HIPK2: variants seen among roughly 807,000 people sequenced by gnomAD.
HIPK2 encodes the protein homeodomain-interacting protein kinase 2.
Under a neutral mutation model 113.7 loss-of-function variants are expected in HIPK2, and 27 were observed. The ratio of observed to expected loss-of-function variants is 0.24; its 90% CI spans 0.17 to 0.33. The LOEUF is 0.33. Among genes scored for constraint, HIPK2 ranks in the 10% least tolerant of loss-of-function variants. The pLI is 1.00. For missense variants in HIPK2, 1,257 were observed against 1,588.0 expected, an observed-to-expected ratio of 0.79 and a Z score of 3.54; for synonymous variants, 631 against 642.2, an observed-to-expected ratio of 0.98 and a Z score of 0.26.
At chr7:139,644,355 G>T (rs916422985) in intron 2 of HIPK2, among the ~76,000 whole-genome samples, 2 of 152,174 alleles carry the variant, frequency 1.3e-5, no homozygotes, top group African/African-American at 4.8e-5. Context: ...CCTCAAAGGG[G>T]CTCTGAAGTC....
chr7:139,761,264 GGTTC>G (rs1796459425), intron 1 of HIPK2, among the ~76,000 whole-genome samples: 1 of 152,202 alleles, frequency 6.6e-6, no homozygotes, highest in Non-Finnish European at 1.5e-5. Flanking sequence ...AGGAAGGTAT[GGTTC>G]AGGCAAGAAT....
intron 2 of HIPK2, among the ~76,000 whole-genome samples, chr7:139,707,730 A>C (rs1333854566): frequency 6.6e-6 from 1 of 152,204 alleles, no homozygotes; most frequent in East Asian, 1.9e-4. Context: ...GGAATTCAAA[A>C]AATTACCTGT....
chr7:139,622,367 A>G (rs1433782785), intron 6 of HIPK2, among the ~76,000 whole-genome samples: 1 of 152,216 alleles, frequency 6.6e-6, no homozygotes, highest in Non-Finnish European at 1.5e-5. Flanking sequence ...GCTCCTACTA[A>G]GTACCAAGGT....
chr7:139,673,615 T>C lies in HIPK2; in HGVS notation c.1104-41890A>G, dbSNP rs577426482. On this transcript the variant is annotated intron_variant, in intron 2 of 14. Transcript: ENST00000406875. ...CTGGGCTGACACCAGGTGCTTACCA[T>C]TATCATGTAAGTTCTCTAACTGTTT... Among the ~76,000 whole-genome samples, 3 of 152,242 alleles carry C rather than the reference T, an allele frequency of 2.0e-5. No homozygotes were observed. The South Asian group carries it at 6.2e-4, about 32-fold the overall frequency.
chr7:139,664,928 TC>T (rs1286391274), intron 2 of HIPK2, among the ~76,000 whole-genome samples: 1 of 152,184 alleles, frequency 6.6e-6, no homozygotes, highest in African/African-American at 2.4e-5. Flanking sequence ...GCGCTCAGAC[TC>T]CTTCCTCTGA....
rs900697694 is a variant in HIPK2, at chr7:139,716,454, G to C, written c.581C>G (p.Ser194Cys). The C allele has an allele frequency of 2.1e-5, 34 of 1,613,846 alleles. No individual in the cohort carries two copies. In the Admixed American group the frequency reaches 4.8e-4, roughly 23 times the overall value. Reference protein sequence around the residue: ...YQLVQHEVLCSMTNTYEVLEF... With the variant: ...YQLVQHEVLCCMTNTYEVLEF... ...TAAGACCTCGTAGGTGTTGGTCATG[G>C]AGCACAGCACCTCATGCTGCACCAG... is the stretch of plus-strand genomic sequence containing the variant. Residue 194 changes from serine to cysteine, a missense_variant, in exon 2 of 15, where the codon TCC (serine) becomes TGC (cysteine). Ser to Cys is a moderately radical substitution (Grantham distance 112). This residue lies in a region of HIPK2 where 78 missense variants were observed against 145.7 expected (regional missense o/e 0.54). Transcript: ENST00000406875. This position sits in a 1 kb window ranked among gnomAD's most constrained non-coding sequence, Gnocchi z 9.3.
At chr7:139,744,681 A>G (rs1347218191) in intron 1 of HIPK2, among the ~76,000 whole-genome samples, 1 of 152,206 alleles carries the variant, frequency 6.6e-6, no homozygotes, top group Non-Finnish European at 1.5e-5. Flanking sequence ...TTTACAGATG[A>G]GGAAACTTGA....
intron 8 of HIPK2, 32 bp downstream of exon 8, chr7:139,614,254 G>A: frequency 5.0e-6 from 7 of 1,391,954 alleles, no homozygotes; most frequent in Middle Eastern, 2.4e-4. Context: ...TCTGTAAGAA[G>A]CAGGTGAGAG....
intron 7 of HIPK2, among the ~76,000 whole-genome samples, chr7:139,615,848 C>T (rs1035821911): frequency 6.6e-6 from 1 of 152,180 alleles, no homozygotes; most frequent in Non-Finnish European, 1.5e-5. Flanking sequence ...AATTGAGTGG[C>T]ACAGATGTCT....
intron 2 of HIPK2, among the ~76,000 whole-genome samples, chr7:139,694,652 T>G (rs1223862904): frequency 6.6e-6 from 1 of 152,246 alleles, no homozygotes; most frequent in Non-Finnish European, 1.5e-5. Flanking sequence ...GCATGGTCCA[T>G]GGTCACATAA....
At chr7:139,651,467 T>C (rs538219235) in intron 2 of HIPK2, among the ~76,000 whole-genome samples, 1 of 152,354 alleles carries the variant, frequency 6.6e-6, no homozygotes, top group Admixed American at 6.5e-5. Context: ...GGGCCACTTG[T>C]CAGTTCGTGG....
chr7:139,683,356 G>A lies in HIPK2; in HGVS notation c.1103+32576C>T, dbSNP rs930406818. ...CCAGTGCTTCAGCAGCGGCCTAGCC[G>A]GGTCTGGTGCAGGGTCCCTCATGAG... On this transcript the variant is annotated intron_variant, in intron 2 of 14. Coordinates refer to ENST00000406875, the MANE Select transcript of HIPK2 (RefSeq NM_022740.5). This position sits in a 1 kb window ranked among gnomAD's most constrained non-coding sequence, Gnocchi z 4.2. Among the ~76,000 whole-genome samples, 5 of 152,168 alleles carry A rather than the reference G, an allele frequency of 3.3e-5. No homozygotes were observed. The highest frequency in any genetic ancestry group is 1.2e-4 in the African/African-American group (5 of 41,438).
chr7:139,614,504 G>A lies in HIPK2; in HGVS notation c.1783-11C>T, dbSNP rs1212887418. ...GGTAGAGGAGGGAGCCTAAAGGAGT[G>A]ATGGGGATTAAACAAAAATAAACAA... On this transcript the variant is annotated splice_polypyrimidine_tract_variant and intron_variant, in intron 7 of 14. Transcript: ENST00000406875. 3 of 1,358,996 alleles carry A rather than the reference G, an allele frequency of 2.2e-6. No individual in the cohort carries two copies. The highest frequency in any genetic ancestry group is 4.3e-5 in the South Asian group (2 of 46,838). 84.2% of individuals were successfully genotyped at this position (1,358,996 alleles called of 1,614,324 possible).
intron 2 of HIPK2, among the ~76,000 whole-genome samples, chr7:139,654,424 T>C (rs1164763718): frequency 6.6e-6 from 1 of 151,728 alleles, no homozygotes; most frequent in Non-Finnish European, 1.5e-5. Flanking sequence ...GAGGCAGGAG[T>C]ACTGCTTGAG....
intron 2 of HIPK2, among the ~76,000 whole-genome samples, chr7:139,680,252 G>A (rs1312413571): frequency 6.6e-6 from 1 of 152,126 alleles, no homozygotes; most frequent in Non-Finnish European, 1.5e-5. Flanking sequence ...CCTGTCCCCC[G>A]ACTGCAGGAC....
intron 2 of HIPK2, among the ~76,000 whole-genome samples, chr7:139,689,131 G>A (rs1028157680): frequency 2.0e-5 from 3 of 152,174 alleles, no homozygotes; most frequent in Admixed American, 6.5e-5. Context: ...TGAGTGCCAC[G>A]TTTGGCTGGG....
At chr7:139,648,182 C>A (rs1310138523) in intron 2 of HIPK2, among the ~76,000 whole-genome samples, 3 of 152,194 alleles carry the variant, frequency 2.0e-5, no homozygotes, top group Non-Finnish European at 2.9e-5. Context: ...AAAAGGGGTA[C>A]ATTTTTCAAA....
chr7:139,626,543 T>C (rs775740953), intron 6 of HIPK2, 58 bp downstream of exon 6: 6 of 1,546,022 alleles, frequency 3.9e-6, no homozygotes, highest in Non-Finnish European at 5.3e-6. Context: ...AAATATTTAG[T>C]GTCTGGGCCT....
rs545611649 is a variant in HIPK2 at position 139,589,186 on chromosome 7, T to C, written c.2718-5122A>G. ...ACATCCATCCAGCTCCAATCTGCTCTGAAATTCATTGAGAGAGATTACTCA... is the reference window on the plus strand; with the variant it reads ...ACATCCATCCAGCTCCAATCTGCTCCGAAATTCATTGAGAGAGATTACTCA... On this transcript the variant is annotated intron_variant, in intron 12 of 14. Transcript: ENST00000406875. 3.3e-5 allele frequency among the ~76,000 whole-genome samples: 5 copies of C among 152,296 alleles called. No individual in the cohort carries two copies. In the East Asian group the frequency reaches 9.7e-4, roughly 29 times the overall value.
Sources: allele counts gnomAD v4.1 joint callset (sites outside exome capture counted in the v4.1 genomes callset), GRCh38; gene constraint gnomAD v4.1.1; regional missense constraint gnomAD v4.1.1; non-coding constraint Gnocchi (gnomAD v3.1); transcripts MANE v1.5; gene names NCBI Gene and HGNC (gene_info 2026-07-23, HGNC 2026-07-21).